FANK1: variants seen among roughly 807,000 people sequenced by gnomAD.
FANK1 encodes fibronectin type III and ankyrin repeat domains 1.
A neutral mutation model predicts 45.3 loss-of-function variants in FANK1; 44 were observed. The observed-to-expected ratio is 0.97, with a 90% CI of 0.76 to 1.25. The LOEUF is 1.25. Ranked by LOEUF, FANK1 falls within the 50% of genes most tolerant of loss-of-function variation. FANK1 has a pLI of 0.00. For synonymous variants in FANK1, 149 were observed against 152.5 expected (o/e 0.98, Z 0.17); for missense variants, 391 against 424.4 (o/e 0.92, Z 0.69).
intron 1 of FANK1, among the ~76,000 whole-genome samples, chr10:125,929,370 G>A (rs960772375): frequency 6.6e-6 from 1 of 152,104 alleles, no homozygotes; most frequent in African/African-American, 2.4e-5. Flanking sequence ...GTTTCCATAG[G>A]AGTCTGGTTA....
At chr10:125,901,665 A>G (rs1285410942) in intron 1 of FANK1, among the ~76,000 whole-genome samples, 1 of 152,218 alleles carries the variant, frequency 6.6e-6, no homozygotes, top group Non-Finnish European at 1.5e-5. Flanking sequence ...CCCTCCTGCT[A>G]TGGCAGGTCT....
chr10:125,906,726 A>G (rs1193978077), intron 1 of FANK1, among the ~76,000 whole-genome samples: 3 of 152,092 alleles, frequency 2.0e-5, no homozygotes, highest in Admixed American at 2.0e-4. Flanking sequence ...CTTCTATTTC[A>G]TCTTGAACCA....
At chr10:125,939,918 CATTATT>C (rs1360083289) in intron 1 of FANK1, among the ~76,000 whole-genome samples, 10 of 150,702 alleles carry the variant, frequency 6.6e-5, no homozygotes, top group Admixed American at 2.0e-4. Flanking sequence ...TTTCTACTGT[CATTATT>C]ATTATTATTA....
chr10:125,981,277 G>A (rs1951192110), intron 2 of FANK1, among the ~76,000 whole-genome samples: 1 of 152,124 alleles, frequency 6.6e-6, no homozygotes, highest in Admixed American at 6.6e-5. Context: ...GGAGGCTGAA[G>A]TGGGCAGATC....
At chr10:125,911,370 C>G (rs113653808) in intron 1 of FANK1, among the ~76,000 whole-genome samples, 1 of 152,190 alleles carries the variant, frequency 6.6e-6, no homozygotes, top group Admixed American at 6.5e-5. Context: ...CTCCGCAAGA[C>G]GCGTTTTGGA....
Position 125,950,797 on chromosome 10 carries a change from T to C in FANK1, c.14-29364T>C, listed in dbSNP as rs1949158575. On this transcript the variant is annotated intron_variant, in intron 1 of 10. Transcript: ENST00000368693. Reference sequence around the variant, plus strand: ...TGCTATAAAGACACATGCACACGTATGTTTATTGCGGCATTATTCACAATT... The same window carrying C: ...TGCTATAAAGACACATGCACACGTACGTTTATTGCGGCATTATTCACAATT... Among the ~76,000 whole-genome samples, 3 of 147,392 alleles carry C rather than the reference T, an allele frequency of 2.0e-5. No individual in the cohort carries two copies. The Admixed American group carries it at 2.0e-4, about 10-fold the overall frequency.
chr10:125,955,996 C>T (rs1484741361), intron 1 of FANK1, among the ~76,000 whole-genome samples: 6 of 152,128 alleles, frequency 3.9e-5, no homozygotes, highest in Admixed American at 3.9e-4. Context: ...GACTCATTAT[C>T]CTGGATGTGA....
intron 1 of FANK1, among the ~76,000 whole-genome samples, chr10:125,953,347 T>C (rs1949374958): frequency 6.6e-6 from 1 of 152,216 alleles, no homozygotes; most frequent in African/African-American, 2.4e-5. Context: ...CTAGTCTGAA[T>C]GACTGTCTAG....
chr10:126,004,735 G>A, intron 6 of FANK1, 149 bp from the exon 7 acceptor site: 1 of 689,308 alleles, frequency 1.5e-6, no homozygotes, highest in South Asian at 1.9e-5. Flanking sequence ...TACATCAGTT[G>A]ATGGATACGT....
intron 3 of FANK1, 128 bp downstream of exon 3, chr10:125,988,803 CAAT>C (rs759234310): frequency 2.8e-6 from 4 of 1,429,530 alleles, no homozygotes; most frequent in Non-Finnish European, 3.9e-6. Context: ...TTAAACACTG[CAAT>C]AATATTTGCT....
intron 6 of FANK1, among the ~76,000 whole-genome samples, chr10:126,003,565 A>G (rs1482605268): frequency 6.6e-6 from 1 of 152,230 alleles, no homozygotes; most frequent in East Asian, 1.9e-4. Flanking sequence ...TGATGACAGC[A>G]AATTTTCTTC....
At chr10:125,896,970 G>A (rs1318996235) in intron 1 of FANK1, among the ~76,000 whole-genome samples, 1 of 152,220 alleles carries the variant, frequency 6.6e-6, no homozygotes, top group East Asian at 1.9e-4. Flanking sequence ...CGCCCGGACG[G>A]TTCCATTTAC....
chr10:125,979,472 A>C (rs1951060691), intron 1 of FANK1, among the ~76,000 whole-genome samples: 1 of 152,142 alleles, frequency 6.6e-6, no homozygotes, highest in Non-Finnish European at 1.5e-5. Flanking sequence ...GCGATAATTC[A>C]TATTTCACTA....
At chr10:125,923,986 C>T (rs1489188798) in intron 1 of FANK1, among the ~76,000 whole-genome samples, 2 of 152,042 alleles carry the variant, frequency 1.3e-5, no homozygotes, top group African/African-American at 4.8e-5. Flanking sequence ...CATGGTGGCT[C>T]ATACCTGTAA....
At chr10:125,936,196 T>C (rs1470832284) in intron 1 of FANK1, among the ~76,000 whole-genome samples, 1 of 152,338 alleles carries the variant, frequency 6.6e-6, no homozygotes, top group Middle Eastern at 3.4e-3. Context: ...ACCTAATAGC[T>C]TGACACTTTT....
chr10:125,914,070 T>A lies in FANK1; in HGVS notation c.13+17415T>A, dbSNP rs1946248521. On this transcript the variant is annotated intron_variant, in intron 1 of 10. Transcript: ENST00000368693. ...ACCTGAATCTACCTCTTATAATTCT[T>A]AAATTAAGAACCATTAGAACTCTTC... Among the ~76,000 whole-genome samples the A allele has an allele frequency of 3.9e-5, 6 of 152,216 alleles. No homozygotes were observed. The South Asian group carries it at 1.2e-3, about 32-fold the overall frequency.
At chr10:125,997,221 A>G (rs968086955) in intron 5 of FANK1, among the ~76,000 whole-genome samples, 199 bp from the exon 6 acceptor site, 7 of 152,210 alleles carry the variant, frequency 4.6e-5, no homozygotes, top group African/African-American at 1.7e-4. Flanking sequence ...TCAAAGGTAA[A>G]AGCCCACATT....
chr10:125,931,118 G>A (rs1303601799), intron 1 of FANK1, among the ~76,000 whole-genome samples: 3 of 152,202 alleles, frequency 2.0e-5, no homozygotes, highest in Admixed American at 1.3e-4. Context: ...CTTGTTGATT[G>A]ATGGGCATTT....
intron 6 of FANK1, chr10:126,004,011 A>G (rs1040453469): frequency 3.9e-5 from 6 of 152,244 alleles, no homozygotes; most frequent in South Asian, 4.1e-4. Context: ...TTCAGTGCCA[A>G]TAATTTTATT....
Sources: gnomAD v4.1 joint callset for allele counts (sites outside exome capture counted in the v4.1 genomes callset) on GRCh38, gnomAD v4.1.1 for gene constraint, MANE v1.5 for transcripts, NCBI Gene and HGNC (gene_info 2026-07-23, HGNC 2026-07-21) for gene names.